SPAG9: variants seen among roughly 807,000 people sequenced by gnomAD.
SPAG9 encodes the protein C-Jun-amino-terminal kinase-interacting protein 4.
SPAG9 carries 35 observed loss-of-function variants against 166.5 expected under a neutral mutation model. The observed-to-expected ratio is 0.21, with a 90% CI of 0.16 to 0.28. SPAG9 has a LOEUF of 0.28. Ranked by LOEUF, SPAG9 falls within the 10% of genes least tolerant of loss-of-function variation. SPAG9 has a pLI of 1.00. For synonymous variants in SPAG9, 534 were observed against 565.5 expected (o/e 0.94, Z 0.79); for missense variants, 1,235 against 1,603.3 (o/e 0.77, Z 3.92).
intron 1 of SPAG9, among the ~76,000 whole-genome samples, chr17:51,080,249 T>C (rs1225249053): frequency 6.6e-6 from 1 of 152,192 alleles, no homozygotes; most frequent in Non-Finnish European, 1.5e-5. Context: ...TTCATCTTGA[T>C]TGTTGTATCA....
chr17:50,998,790 G>A (rs1251534081), intron 14 of SPAG9, among the ~76,000 whole-genome samples, 173 bp from the exon 15 acceptor site: 1 of 152,238 alleles, frequency 6.6e-6, no homozygotes, highest in Non-Finnish European at 1.5e-5. Context: ...GTAACTCGTA[G>A]CCAAACTCAG....
intron 19 of SPAG9, 122 bp downstream of exon 19, chr17:50,993,642 C>T (rs915488454): frequency 4.2e-5 from 37 of 884,432 alleles, no homozygotes; most frequent in Non-Finnish European, 5.9e-5. Context: ...TTTTAATCTT[C>T]CCTAACTAGA....
intron 1 of SPAG9, among the ~76,000 whole-genome samples, chr17:51,113,908 T>A (rs2049202263): frequency 6.6e-6 from 1 of 150,446 alleles, no homozygotes; most frequent in Non-Finnish European, 1.5e-5. Flanking sequence ...GATGGGAGGA[T>A]CGCTTGAACC....
intron 2 of SPAG9, among the ~76,000 whole-genome samples, chr17:51,066,567 G>GAAAAAAAAAAAAAAAAAA (rs71149340): frequency 3.6e-5 from 4 of 110,838 alleles, no homozygotes; most frequent in African/African-American, 7.1e-5. Context: ...AAAAAAAAAA[G>GAAAAAAAAAAAAAAAAAA]AAAAAAAAAA....
At chr17:51,054,326 T>C (rs2047297635) in intron 3 of SPAG9, among the ~76,000 whole-genome samples, 1 of 151,994 alleles carries the variant, frequency 6.6e-6, no homozygotes. Context: ...TTTCACCATG[T>C]TGCCCAGGCT....
chr17:51,112,862 C>T (rs1208572298), intron 1 of SPAG9, among the ~76,000 whole-genome samples: 1 of 150,346 alleles, frequency 6.7e-6, no homozygotes, highest in African/African-American at 2.4e-5. Context: ...GTAGTCACAG[C>T]TGCTCAGAGG....
At chr17:50,996,462 G>T in intron 16 of SPAG9, 103 bp downstream of exon 16, 1 of 1,352,564 alleles carries the variant, frequency 7.4e-7, no homozygotes. Context: ...ATGCGGCTGA[G>T]ATGAGCAGGG....
intron 29 of SPAG9, among the ~76,000 whole-genome samples, chr17:50,967,157 C>T (rs2143537469): frequency 6.6e-6 from 1 of 152,296 alleles, no homozygotes; most frequent in South Asian, 2.1e-4. Context: ...GCAGGGCATA[C>T]CATAATTCTC....
At chr17:51,009,312 G>A (rs28548693) in intron 9 of SPAG9, among the ~76,000 whole-genome samples, 1 of 151,932 alleles carries the variant, frequency 6.6e-6, no homozygotes, top group Non-Finnish European at 1.5e-5. Context: ...TTATAAAAAG[G>A]AAAAAAATTG....
chr17:51,091,888 A>G (rs2048476228), intron 1 of SPAG9, among the ~76,000 whole-genome samples: 5 of 152,036 alleles, frequency 3.3e-5, no homozygotes, highest in Admixed American at 1.3e-4. Context: ...TGATGAAGCA[A>G]AATGCTTTTA....
intron 1 of SPAG9, among the ~76,000 whole-genome samples, chr17:51,095,795 T>C (rs963816298): frequency 1.4e-5 from 2 of 143,480 alleles, no homozygotes; most frequent in African/African-American, 5.0e-5. Context: ...GATATACGTA[T>C]AGTGATATAT....
intron 10 of SPAG9, among the ~76,000 whole-genome samples, chr17:51,006,998 A>T (rs956591200): frequency 2.0e-5 from 3 of 152,184 alleles, no homozygotes; most frequent in Non-Finnish European, 4.4e-5. Context: ...TTAGAAGATT[A>T]AGAAAAAGGC....
chr17:50,996,837 T>A, intron 15 of SPAG9, 143 bp from the exon 16 acceptor site: 1 of 828,404 alleles, frequency 1.2e-6, no homozygotes, highest in East Asian at 2.7e-5. Context: ...CTATAACAGC[T>A]CCTTAAAAAG....
intron 6 of SPAG9, among the ~76,000 whole-genome samples, chr17:51,025,807 G>A (rs1209255919): frequency 6.6e-6 from 1 of 151,858 alleles, no homozygotes; most frequent in Non-Finnish European, 1.5e-5. Context: ...CATGAGAATC[G>A]CTTGAACCCA....
rs1567984115 is a variant in SPAG9 at position 51,001,832 on chromosome 17, G to A, written c.1490C>T (p.Thr497Ile). ...AKDDDDSDIP[T>I]AQRKRFTRVE... ...TCTAGTAAACCGTTTCCTCTGGGCTGTGGGAATATCACTCTATAATGACAA... is the reference window on the plus strand; with the variant it reads ...TCTAGTAAACCGTTTCCTCTGGGCTATGGGAATATCACTCTATAATGACAA... The change falls in exon 13 of 30, where the codon ACA becomes ATA. Residue 497 changes from threonine to isoleucine, a missense_variant. By Grantham distance (89) the Thr-to-Ile change is moderately conservative. This residue lies in a region of SPAG9 where 125 missense variants were observed against 194.0 expected (regional missense o/e 0.64). Transcript: ENST00000262013. The A allele has an allele frequency of 6.2e-7, 1 of 1,612,594 alleles. No homozygotes were observed.
chr17:50,984,370 A>T (rs935404108), intron 24 of SPAG9, among the ~76,000 whole-genome samples: 3 of 152,194 alleles, frequency 2.0e-5, no homozygotes, highest in Admixed American at 6.5e-5. Context: ...TGAATGAAAA[A>T]CAAATGCCTC....
At chr17:51,009,639 T>A (rs945943966) in intron 9 of SPAG9, among the ~76,000 whole-genome samples, 2 of 152,160 alleles carry the variant, frequency 1.3e-5, no homozygotes, top group African/African-American at 4.8e-5. Flanking sequence ...TCTTTTTGCA[T>A]CAATGATACA....
intron 1 of SPAG9, among the ~76,000 whole-genome samples, chr17:51,114,341 T>A (rs956142391): frequency 1.9e-4 from 29 of 150,580 alleles, no homozygotes; most frequent in Non-Finnish European, 3.5e-4. Flanking sequence ...ATAAATTTTT[T>A]AAAAAATGGG....
intron 6 of SPAG9, among the ~76,000 whole-genome samples, chr17:51,025,482 AAC>A (rs1285968762): frequency 4.6e-5 from 7 of 151,896 alleles, no homozygotes; most frequent in Non-Finnish European, 1.0e-4. Flanking sequence ...AAAAAAAAAA[AAC>A]TGACAGTATT....
Sources: gnomAD v4.1 joint callset for allele counts (sites outside exome capture counted in the v4.1 genomes callset) on GRCh38, gnomAD v4.1.1 for gene constraint, gnomAD v4.1.1 regional missense constraint, MANE v1.5 for transcripts, NCBI Gene and HGNC (gene_info 2026-07-23, HGNC 2026-07-21) for gene names.